ADGRV1: variants seen among roughly 807,000 people sequenced by gnomAD.
ADGRV1 encodes the protein G-protein coupled receptor 98.
A neutral mutation model predicts 596.2 loss-of-function variants in ADGRV1; 359 were observed. The ratio of observed to expected loss-of-function variants is 0.60; its 90% CI spans 0.55 to 0.66. The LOEUF (loss-of-function observed/expected upper bound fraction) is 0.66. Among genes scored for constraint, ADGRV1 ranks in the 30% least tolerant of loss-of-function variants. ADGRV1 has a pLI of 0.00. For synonymous variants in ADGRV1, 2,681 were observed against 2,679.2 expected, an observed-to-expected ratio of 1.00 and a Z score of -0.02; for missense variants, 7,274 against 7,575.6, an observed-to-expected ratio of 0.96 and a Z score of 1.48.
intron 84 of ADGRV1, among the ~76,000 whole-genome samples, chr5:90,973,470 C>T (rs6452918): frequency 0.49 from 74,741 of 151,928 alleles, 19,749 homozygotes; most frequent in East Asian, 0.68. Context: ...ACTGACAAAC[C>T]GAATCCAGCA....
At position 90,848,650 on chromosome 5, in the gene ADGRV1, G is replaced by T; in HGVS notation, c.17033G>T (p.Gly5678Val). 1 of 1,506,718 alleles carries T rather than the reference G, an allele frequency of 6.6e-7. No homozygotes were observed. The highest frequency in any genetic ancestry group is 1.4e-5 in the African/African-American group (1 of 70,604). The allele number at this position is 1,506,718 out of a possible 1,614,324, so 93.3% of individuals were successfully genotyped here. Residue 5678 changes from glycine (G) to valine (V), a missense_variant, in exon 79 of 90, where the codon GGA (glycine) becomes GTA (valine). Physicochemically the swap from Gly to Val is moderately radical, Grantham distance 109. Transcript: ENST00000405460. ...MHLIEKITTE[G>V]KIQAFSVASR... Reference sequence around the variant, plus strand: ...TTCTTTTTCCAGATAACTACTGAAGGAAAAATTCAAGCTTTCAGTGTTGCC... The same window carrying T: ...TTCTTTTTCCAGATAACTACTGAAGTAAAAATTCAAGCTTTCAGTGTTGCC...
At chr5:90,799,906 A>T (rs1166996008) in intron 70 of ADGRV1, among the ~76,000 whole-genome samples, 1 of 152,216 alleles carries the variant, frequency 6.6e-6, no homozygotes, top group Non-Finnish European at 1.5e-5. Context: ...CCCCTTCCTT[A>T]TACCTTATAC....
At chr5:90,980,238 A>G (rs532717857) in intron 84 of ADGRV1, among the ~76,000 whole-genome samples, 2 of 152,330 alleles carry the variant, frequency 1.3e-5, no homozygotes, top group Admixed American at 6.5e-5. Flanking sequence ...ATTAAAGATG[A>G]GACTATTTAG....
At chr5:90,959,955 C>T (rs540778124) in intron 83 of ADGRV1, among the ~76,000 whole-genome samples, 37 of 151,884 alleles carry the variant, frequency 2.4e-4, no homozygotes, top group South Asian at 6.3e-4. Flanking sequence ...CTGGCTAACA[C>T]GGTGAAACCC....
chr5:91,035,320 C>A (rs1784776170), intron 85 of ADGRV1, among the ~76,000 whole-genome samples: 1 of 152,130 alleles, frequency 6.6e-6, no homozygotes, highest in African/African-American at 2.4e-5. Context: ...TCTTGAGGCC[C>A]ATTCACTTAC....
At chr5:90,723,877 T>A (rs1245401640) in intron 45 of ADGRV1, among the ~76,000 whole-genome samples, 2 of 152,004 alleles carry the variant, frequency 1.3e-5, no homozygotes, top group African/African-American at 4.8e-5. Flanking sequence ...ATACATTTTT[T>A]AAAAAATGTT....
In ADGRV1 at chr5:90,614,705, G is replaced by A. The variant is rs200981074; in HGVS notation, c.23-130G>A. On this transcript the variant is annotated intron_variant, in intron 1 of 89. Transcript: ENST00000405460. ...CATATTTGAGTTTGATGGCTTAATA[G>A]TAGATGTATTTATGTCTTAGTTGTT... 679 of 737,920 alleles carry A rather than the reference G, an allele frequency of 9.2e-4. 9 individuals carry two copies. The South Asian group carries it at 9.7e-3, about 11-fold the overall frequency. The allele number at this position is 737,920 out of a possible 1,614,324, so 45.7% of individuals were successfully genotyped here. A position where few individuals can be genotyped will look rare whatever the true frequency, so the allele number is the denominator to read the frequency against.
intron 83 of ADGRV1, among the ~76,000 whole-genome samples, chr5:90,964,640 G>A (rs934277409): frequency 6.6e-6 from 1 of 151,886 alleles, no homozygotes; most frequent in Non-Finnish European, 1.5e-5. Context: ...CAGTCACTGA[G>A]CTAGGTGCTT....
chr5:91,075,880 T>G (rs954891135), intron 86 of ADGRV1, among the ~76,000 whole-genome samples: 6 of 152,202 alleles, frequency 3.9e-5, no homozygotes, highest in African/African-American at 1.4e-4. Flanking sequence ...CATTCCCAAG[T>G]TAGTTACTAT....
intron 1 of ADGRV1, among the ~76,000 whole-genome samples, chr5:90,589,269 C>G (rs1374783449): frequency 6.6e-6 from 1 of 152,090 alleles, no homozygotes; most frequent in African/African-American, 2.4e-5. Flanking sequence ...GTTTATGACA[C>G]CAGAGTTCCT....
At chr5:91,128,194 CT>C (rs958903322) in intron 87 of ADGRV1, among the ~76,000 whole-genome samples, 2 of 151,730 alleles carry the variant, frequency 1.3e-5, no homozygotes, top group African/African-American at 2.4e-5. Flanking sequence ...CCAATTACCC[CT>C]AGATTTATTG....
At chr5:90,629,153 T>C in intron 8 of ADGRV1, 57 bp from the exon 9 acceptor site, 1 of 922,440 alleles carries the variant, frequency 1.1e-6, no homozygotes, top group Non-Finnish European at 1.5e-6. Context: ...AAATACAGAG[T>C]TTGATCATCT....
chr5:90,703,217 A>C (rs1748132215), intron 34 of ADGRV1, among the ~76,000 whole-genome samples: 1 of 152,092 alleles, frequency 6.6e-6, no homozygotes, highest in Non-Finnish European at 1.5e-5. Context: ...TGTGATTTTC[A>C]GGTATTTGCA....
intron 85 of ADGRV1, among the ~76,000 whole-genome samples, chr5:91,028,023 C>A (rs1784157060): frequency 7.3e-6 from 1 of 136,978 alleles, no homozygotes; most frequent in Non-Finnish European, 1.6e-5. Context: ...TGAGATCCAG[C>A]TTTTTTTTTC....
intron 1 of ADGRV1, among the ~76,000 whole-genome samples, chr5:90,613,440 C>G (rs1038057353): frequency 6.6e-6 from 1 of 152,068 alleles, no homozygotes; most frequent in Non-Finnish European, 1.5e-5. Context: ...TTGCTTTTTC[C>G]CTTCCATTTC....
chr5:90,960,828 A>G (rs916164670), intron 83 of ADGRV1, among the ~76,000 whole-genome samples: 1 of 152,206 alleles, frequency 6.6e-6, no homozygotes, highest in Non-Finnish European at 1.5e-5. Context: ...TTTAGGGAAT[A>G]GCAGTAAATG....
intron 48 of ADGRV1, among the ~76,000 whole-genome samples, chr5:90,726,901 C>G (rs1751865393): frequency 6.6e-6 from 1 of 152,134 alleles, no homozygotes. Context: ...GCCTACATAC[C>G]TAACTGCCTA....
intron 45 of ADGRV1, among the ~76,000 whole-genome samples, chr5:90,721,291 T>C (rs966905388): frequency 1.3e-5 from 2 of 151,848 alleles, no homozygotes; most frequent in Non-Finnish European, 2.9e-5. Context: ...GATCACAAGG[T>C]CAGGAGATCG....
intron 78 of ADGRV1, among the ~76,000 whole-genome samples, chr5:90,845,306 G>A (rs985061088): frequency 6.6e-6 from 1 of 152,202 alleles, no homozygotes; most frequent in Non-Finnish European, 1.5e-5. Context: ...AGGTTGTTGT[G>A]AAGAGTAGTT....
Sources: allele counts gnomAD v4.1 joint callset (sites outside exome capture counted in the v4.1 genomes callset), GRCh38; gene constraint gnomAD v4.1.1; transcripts MANE v1.5; gene names NCBI Gene and HGNC (gene_info 2026-07-23, HGNC 2026-07-21).